Variants in TCEA3 observed in about 807,000 individuals in gnomAD.
The protein encoded by TCEA3 is transcription elongation factor A protein 3.
Under a neutral mutation model 44.0 loss-of-function variants are expected in TCEA3, and 36 were observed. The ratio of observed to expected loss-of-function variants is 0.82; its 90% CI spans 0.63 to 1.08. The LOEUF (loss-of-function observed/expected upper bound fraction) is 1.08. Among genes scored for constraint, TCEA3 ranks in the 50% least tolerant of loss-of-function variants. The pLI, the probability that TCEA3 is intolerant of heterozygous loss-of-function variation, is 0.00. For synonymous variants in TCEA3, 162 were observed against 159.7 expected (o/e 1.01, Z -0.11); for missense variants, 392 against 441.2 (o/e 0.89, Z 1.00).
At chr1:23,393,480 A>T (rs974423866) in intron 8 of TCEA3, among the ~76,000 whole-genome samples, 7 of 152,030 alleles carry the variant, frequency 4.6e-5, no homozygotes, top group African/African-American at 1.7e-4. Context: ...CACGCACTCC[A>T]CACGTACAGC....
At chr1:23,384,251 T>A (rs1307651621) in intron 10 of TCEA3, 95 bp downstream of exon 10, 3 of 1,604,096 alleles carry the variant, frequency 1.9e-6, no homozygotes, top group African/African-American at 2.7e-5. Context: ...AGTGCTGCCA[T>A]GCACAAGGCC....
In TCEA3 at chr1:23,383,007, C is replaced by T. The variant is rs139532680; in HGVS notation, c.1038+1339G>A. On this transcript the variant is annotated intron_variant, in intron 10 of 10. Transcript: ENST00000450454. ...AAGAAAAATAATTAGAGGCCGGGCG[C>T]GGCGGCTCACGCCTGTAATCCCAGC... 4.5e-4 allele frequency among the ~76,000 whole-genome samples: 69 copies of T among 152,338 alleles called. 1 individual carries two copies. Among genetic ancestry groups the T allele is most frequent in the East Asian group, 9.6e-4 (5 of 5,188 alleles).
At chr1:23,410,664 TG>T (rs1433905418) in intron 4 of TCEA3, among the ~76,000 whole-genome samples, 1 of 151,968 alleles carries the variant, frequency 6.6e-6, no homozygotes, top group Non-Finnish European at 1.5e-5. Context: ...TAGCCGGGCA[TG>T]GTGGTGTGCA....
At chr1:23,400,227 T>C (rs548790423) in intron 5 of TCEA3, among the ~76,000 whole-genome samples, 1 of 152,276 alleles carries the variant, frequency 6.6e-6, no homozygotes, top group African/African-American at 2.4e-5. Flanking sequence ...TGGGCCCATT[T>C]TACAGATGAT....
At chr1:23,388,583 C>A (rs1204896464) in intron 8 of TCEA3, among the ~76,000 whole-genome samples, 1 of 152,170 alleles carries the variant, frequency 6.6e-6, no homozygotes, top group East Asian at 1.9e-4. Flanking sequence ...TTAGTGTGCT[C>A]ACCTTTCATT....
At chr1:23,393,833 G>C in intron 8 of TCEA3, 46 bp downstream of exon 8, 1 of 1,599,914 alleles carries the variant, frequency 6.3e-7, no homozygotes, top group Non-Finnish European at 8.5e-7. Context: ...GGCAGGGCTA[G>C]GGGGACCTGG....
intron 10 of TCEA3, among the ~76,000 whole-genome samples, chr1:23,382,910 T>C (rs897553440): frequency 6.6e-6 from 1 of 152,190 alleles, no homozygotes. Flanking sequence ...AAATACATAA[T>C]CATCTGGTTT....
chr1:23,395,998 C>A (rs77248797), intron 7 of TCEA3, among the ~76,000 whole-genome samples: 6,131 of 152,170 alleles, frequency 0.04, 339 homozygotes, highest in South Asian at 0.25. Flanking sequence ...AGTTCTCATA[C>A]CTTGTGTTCT....
rs1639982465 is a variant in TCEA3, at chr1:23,419,130, G to A, written c.79C>T (p.Leu27=). Residue 27 remains leucine, a synonymous_variant, in exon 2 of 11, where the codon CTG becomes TTG. Coordinates refer to ENST00000450454, the MANE Select transcript of TCEA3 (RefSeq NM_003196.3). The part of the protein sequence containing the change: ...MVARKNTEGA[L]DLLKKLHSCQ... ...CTGTGCAGCTTCTTCAGAAGGTCCAGGGCCCCTTCCTGTGGGAGGCCACAA... is the reference window on the plus strand; with the variant it reads ...CTGTGCAGCTTCTTCAGAAGGTCCAAGGCCCCTTCCTGTGGGAGGCCACAA... 2 of 1,589,858 alleles carry A rather than the reference G, an allele frequency of 1.3e-6. No homozygotes were observed. Among genetic ancestry groups the A allele is most frequent in the Middle Eastern group, 1.7e-4 (1 of 5,998 alleles).
At position 23,423,287 on chromosome 1, in the gene TCEA3, A is replaced by G. The variant is rs889347969; in HGVS notation, c.69+1278T>C. ...CTTAGCAAGCACAGGTCTGAGTCCTACTAAGGGCTTTACATCTCTGTCTCA... is the reference window on the plus strand; with the variant it reads ...CTTAGCAAGCACAGGTCTGAGTCCTGCTAAGGGCTTTACATCTCTGTCTCA... On this transcript the variant is annotated intron_variant, in intron 1 of 10. Coordinates refer to ENST00000450454, the MANE Select transcript of TCEA3 (RefSeq NM_003196.3). 9.9e-5 allele frequency among the ~76,000 whole-genome samples: 15 copies of G among 152,222 alleles called. No homozygotes were observed. In the South Asian group the frequency reaches 1.2e-3, roughly 13 times the overall value.
chr1:23,387,681 T>C (rs1320369265), intron 8 of TCEA3, among the ~76,000 whole-genome samples: 1 of 152,132 alleles, frequency 6.6e-6, no homozygotes, highest in Non-Finnish European at 1.5e-5. Context: ...GGACGAGCAC[T>C]CCTGTGTACA....
intron 5 of TCEA3, among the ~76,000 whole-genome samples, chr1:23,402,525 C>A (rs1043363192): frequency 6.6e-6 from 1 of 152,308 alleles, no homozygotes; most frequent in South Asian, 2.1e-4. Flanking sequence ...CGGGCCTTTG[C>A]ACAGGCTGGT....
At chr1:23,385,311 CCCCAGCAG>C (rs1040635214) in intron 9 of TCEA3, among the ~76,000 whole-genome samples, 2 of 152,214 alleles carry the variant, frequency 1.3e-5, no homozygotes, top group African/African-American at 4.8e-5. Flanking sequence ...CTTGGGTGAG[CCCCAGCAG>C]CCCAGCAGTC....
intron 5 of TCEA3, among the ~76,000 whole-genome samples, chr1:23,400,820 T>C (rs1639376560): frequency 6.6e-6 from 1 of 152,172 alleles, no homozygotes; most frequent in South Asian, 2.1e-4. Context: ...GGAGGCACCA[T>C]TTACATTAGT....
chr1:23,409,886 A>G (rs926200332), intron 4 of TCEA3, among the ~76,000 whole-genome samples: 10 of 151,946 alleles, frequency 6.6e-5, no homozygotes, highest in Non-Finnish European at 1.3e-4. Flanking sequence ...TTATTGTCCG[A>G]CACCCCATGT....
intron 7 of TCEA3, among the ~76,000 whole-genome samples, chr1:23,395,519 C>G (rs966706536): frequency 3.9e-5 from 6 of 152,214 alleles, no homozygotes; most frequent in Non-Finnish European, 8.8e-5. Flanking sequence ...CTTTGATTTC[C>G]TCTCCTTTAG....
At chr1:23,406,524 G>A (rs1639549135) in intron 5 of TCEA3, among the ~76,000 whole-genome samples, 1 of 151,952 alleles carries the variant, frequency 6.6e-6, no homozygotes, top group Admixed American at 6.6e-5. Context: ...CCACTCTCTT[G>A]GACCACACTT....
chr1:23,394,419 G>C (rs930953123), intron 7 of TCEA3, among the ~76,000 whole-genome samples: 1 of 152,156 alleles, frequency 6.6e-6, no homozygotes. Flanking sequence ...CTAGTGTGGT[G>C]TCTGGGATAT....
chr1:23,408,814 G>T (rs1459969995), intron 4 of TCEA3, 88 bp from the exon 5 acceptor site: 3 of 1,338,770 alleles, frequency 2.2e-6, no homozygotes, highest in Non-Finnish European at 3.1e-6. Flanking sequence ...CTGGGAAAAG[G>T]CCAGCTGGCT....
Sources: gnomAD v4.1 joint callset for allele counts (sites outside exome capture counted in the v4.1 genomes callset) on GRCh38, gnomAD v4.1.1 for gene constraint, MANE v1.5 for transcripts, NCBI Gene and HGNC (gene_info 2026-07-23, HGNC 2026-07-21) for gene names.